TM4SF1: variants seen among roughly 807,000 people sequenced by gnomAD.
The protein encoded by TM4SF1 is transmembrane 4 L six family member 1.
TM4SF1 carries 20 observed loss-of-function variants against 24.5 expected under a neutral mutation model. The ratio of observed to expected loss-of-function variants is 0.82; its 90% CI spans 0.57 to 1.19. The LOEUF is 1.19. TM4SF1 is among the 50% of genes most tolerant of loss of function. The probability of loss-of-function intolerance (pLI) is 0.00; values close to 1 mark genes in which losing one functional copy is unlikely to be tolerated. For synonymous variants in TM4SF1, 107 were observed against 95.4 expected, an observed-to-expected ratio of 1.12 and a Z score of -0.71; for missense variants, 258 against 248.1, an observed-to-expected ratio of 1.04 and a Z score of -0.27.
chr3:149,371,921 C>T, intron 3 of TM4SF1, 54 bp from the exon 4 acceptor site: 3 of 1,537,504 alleles, frequency 2.0e-6, no homozygotes, highest in Non-Finnish European at 2.7e-6. Context: ...GGGGATACTT[C>T]ATAAACTACT....
In TM4SF1 at chr3:149,375,508, T is replaced by C. The variant is rs1269076377; in HGVS notation, c.348A>G (p.Ala116=). 3 of 1,614,120 alleles carry C rather than the reference T, an allele frequency of 1.9e-6. No homozygotes were observed. The African/African-American group carries it at 4.0e-5, about 22-fold the overall frequency. ...YCVIVAALGL[A]EGPLCLDSLG... ...GGGAATCAAGACATAGTGGTCCTTC[T>C]GCTAAGCCAAGGGCTGCCACAATGA... Residue 116 remains alanine (A), a synonymous_variant, in exon 3 of 5, where the codon GCA becomes GCG. Transcript: ENST00000305366.
intron 4 of TM4SF1, chr3:149,370,490 A>C (rs1032826884): frequency 1.3e-5 from 2 of 152,494 alleles, no homozygotes; most frequent in South Asian, 2.1e-4. Context: ...AAGTGAGTAC[A>C]TTTAGTACAA....
intron 3 of TM4SF1, among the ~76,000 whole-genome samples, chr3:149,373,401 A>G (rs1452553455): frequency 3.9e-5 from 6 of 152,228 alleles, no homozygotes; most frequent in African/African-American, 7.2e-5. Context: ...TTAACAAAAT[A>G]TAATACAATC....
At chr3:149,376,076 T>A (rs575666412) in intron 1 of TM4SF1, among the ~76,000 whole-genome samples, 226 of 152,310 alleles carry the variant, frequency 1.5e-3, no homozygotes, top group African/African-American at 5.2e-3. Context: ...GATAACAAAC[T>A]CTGTTTTGGA....
intron 3 of TM4SF1, 81 bp downstream of exon 3, chr3:149,375,362 T>C (rs1731922324): frequency 6.5e-7 from 1 of 1,530,304 alleles, no homozygotes; most frequent in Non-Finnish European, 8.9e-7. Context: ...GATAAGTGGA[T>C]GCCTATCTGG....
chr3:149,375,224 G>GAAAGA (rs1413676020), intron 3 of TM4SF1, among the ~76,000 whole-genome samples: 2 of 152,010 alleles, frequency 1.3e-5, no homozygotes, highest in Non-Finnish European at 2.9e-5. Context: ...AAAAAAGAAA[G>GAAAGA]AAAGAAAAGA....
In TM4SF1 at chr3:149,369,673, A is replaced by C. The variant is rs1731772279; in HGVS notation, c.*193T>G. The C allele has an allele frequency of 3.0e-6, 2 of 661,592 alleles. No homozygotes were observed. Among genetic ancestry groups the C allele is most frequent in the South Asian group, 2.3e-5 (1 of 44,442 alleles). 41.0% of individuals were successfully genotyped at this position (661,592 alleles called of 1,614,324 possible). A position where few individuals can be genotyped will look rare whatever the true frequency, so the allele number is the denominator to read the frequency against. ...CCTTAAAAAAAAACAAAAACAAATA[A>C]ACAAACAAAAAAGAAGTTTACTAAA... On this transcript the variant is annotated 3_prime_UTR_variant, in exon 5 of 5. Coordinates refer to ENST00000305366, the MANE Select transcript of TM4SF1 (RefSeq NM_014220.3).
Position 149,371,703 on chromosome 3 carries a change from C to G in TM4SF1, c.578G>C (p.Cys193Ser). Residue 193 changes from cysteine (C) to serine (S), a missense_variant, in exon 4 of 5, where the codon TGC becomes TCC. Physicochemically the swap from Cys to Ser is moderately radical, Grantham distance 112. Coordinates refer to ENST00000305366, the MANE Select transcript of TM4SF1 (RefSeq NM_014220.3). ...NGVLGGICGF[C>S]CSHQQQYDC is the part of the protein sequence containing the mutation. ...GGTTCTTACCTGTTGGTGAGAGCAGCAAAAGCCACATATGCCTCCAAGCAC... is the reference window on the plus strand; with the variant it reads ...GGTTCTTACCTGTTGGTGAGAGCAGGAAAAGCCACATATGCCTCCAAGCAC... 1.2e-6 allele frequency: 2 copies of G among 1,614,162 alleles called. No homozygotes were observed. The highest frequency in any genetic ancestry group is 1.7e-6 in the Non-Finnish European group (2 of 1,180,012).
Position 149,375,599 on chromosome 3 carries a change from G to T in TM4SF1, c.268-11C>A, listed in dbSNP as rs765307863. On this transcript the variant is annotated splice_polypyrimidine_tract_variant and intron_variant, in intron 2 of 4. Coordinates refer to ENST00000305366, the MANE Select transcript of TM4SF1 (RefSeq NM_014220.3). ...TACAGAAGAAAGCATCTAGGGAAAA[G>T]CAGACACACAGGAAGTGAGCCACAG... 2 of 1,614,082 alleles carry T rather than the reference G, an allele frequency of 1.2e-6. No individual in the cohort carries two copies. Among genetic ancestry groups the T allele is most frequent in the African/African-American group, 1.3e-5 (1 of 74,918 alleles).
chr3:149,373,115 G>A (rs1281601654), intron 3 of TM4SF1, among the ~76,000 whole-genome samples: 1 of 152,210 alleles, frequency 6.6e-6, no homozygotes, highest in Non-Finnish European at 1.5e-5. Flanking sequence ...GCTCCATGAA[G>A]GTAGGAGCCA....
At chr3:149,372,343 A>AT (rs778552878) in intron 3 of TM4SF1, among the ~76,000 whole-genome samples, 75 of 152,304 alleles carry the variant, frequency 4.9e-4, no homozygotes, top group Non-Finnish European at 9.4e-4. Flanking sequence ...TGTTATTGGT[A>AT]TAAAAGATGG....
chr3:149,375,663 A>G lies in TM4SF1; in HGVS notation c.267+17T>C, dbSNP rs1731932984. On this transcript the variant is annotated intron_variant, in intron 2 of 4. Coordinates refer to ENST00000305366, the MANE Select transcript of TM4SF1 (RefSeq NM_014220.3). The stretch of plus-strand genomic sequence containing the variant: ...CATCTTAGGAGTCATTTTCACCACC[A>G]GGGCAGGAGGACCTACCGCACATCG... 3.1e-6 allele frequency: 5 copies of G among 1,614,194 alleles called. No individual in the cohort carries two copies. In the East Asian group the frequency reaches 1.1e-4, roughly 36 times the overall value.
At chr3:149,373,335 T>C (rs1454616590) in intron 3 of TM4SF1, among the ~76,000 whole-genome samples, 3 of 152,258 alleles carry the variant, frequency 2.0e-5, no homozygotes, top group African/African-American at 7.2e-5. Flanking sequence ...TCTGAAAAAT[T>C]CTACTTCTGA....
chr3:149,376,572 T>A (rs1471006159), intron 1 of TM4SF1, among the ~76,000 whole-genome samples: 2 of 152,232 alleles, frequency 1.3e-5, no homozygotes, highest in African/African-American at 4.8e-5. Context: ...CATGCCATAA[T>A]CAGTGTATTA....
chr3:149,377,290 AC>A, intron 1 of TM4SF1, 80 bp downstream of exon 1: 3 of 1,514,428 alleles, frequency 2.0e-6, no homozygotes, highest in South Asian at 2.7e-5. Context: ...AATATGCATT[AC>A]AAAAAACTTT....
At chr3:149,371,481 G>A in intron 4 of TM4SF1, 5 of 628,154 alleles carry the variant, frequency 8.0e-6, no homozygotes, top group Middle Eastern at 4.2e-4. Context: ...CAACTGCAAA[G>A]AACTAAGACA....
intron 2 of TM4SF1, 42 bp from the exon 3 acceptor site, chr3:149,375,630 C>T: frequency 6.2e-7 from 1 of 1,614,122 alleles, no homozygotes; most frequent in Non-Finnish European, 8.5e-7. Context: ...CACAGAGTGC[C>T]ACAGCTACAT....
chr3:149,371,708 G>A lies in TM4SF1; in HGVS notation c.573C>T (p.Gly191=). The A allele has an allele frequency of 6.2e-7, 1 of 1,614,164 alleles. No homozygotes were observed. The highest frequency in any genetic ancestry group is 8.5e-7 in the Non-Finnish European group (1 of 1,180,014). Residue 191 remains glycine (G), a synonymous_variant, in exon 4 of 5, where the codon GGC becomes GGT. Transcript: ENST00000305366. The part of the protein sequence containing the change: ...VINGVLGGIC[G]FCCSHQQQYD... Reference sequence around the variant, plus strand: ...TTACCTGTTGGTGAGAGCAGCAAAAGCCACATATGCCTCCAAGCACTCCAT... The same window carrying A: ...TTACCTGTTGGTGAGAGCAGCAAAAACCACATATGCCTCCAAGCACTCCAT...
intron 3 of TM4SF1, 73 bp from the exon 4 acceptor site, chr3:149,371,940 G>A: frequency 4.1e-6 from 6 of 1,446,604 alleles, no homozygotes; most frequent in African/African-American, 1.4e-5. Flanking sequence ...CTTTTGTTTG[G>A]TGGTTTTTCA....
Sources: allele counts gnomAD v4.1 joint callset (sites outside exome capture counted in the v4.1 genomes callset), GRCh38; gene constraint gnomAD v4.1.1; transcripts MANE v1.5; gene names NCBI Gene and HGNC (gene_info 2026-07-23, HGNC 2026-07-21).